Variants in RIMS2 observed in about 807,000 individuals in gnomAD.
The protein encoded by RIMS2 is regulating synaptic membrane exocytosis 2.
Under a neutral mutation model 174.4 loss-of-function variants are expected in RIMS2, and 59 were observed. That is an observed-to-expected ratio of 0.34 (90% CI 0.27 to 0.42). RIMS2 has a LOEUF of 0.42. RIMS2 is among the 10% of genes least tolerant of loss of function. The probability of loss-of-function intolerance (pLI) is 1.00; values close to 1 mark genes in which losing one functional copy is unlikely to be tolerated. For synonymous variants in RIMS2, 606 were observed against 572.5 expected (o/e 1.06, Z -0.84); for missense variants, 1,620 against 1,666.3 (o/e 0.97, Z 0.48).
intron 3 of RIMS2, among the ~76,000 whole-genome samples, chr8:103,777,747 A>C (rs570102252): frequency 9.2e-5 from 14 of 152,120 alleles, no homozygotes; most frequent in African/African-American, 3.4e-4. Flanking sequence ...TATGCATATA[A>C]AAGTATTTTA....
intron 1 of RIMS2, among the ~76,000 whole-genome samples, chr8:103,572,003 C>A (rs1319813231): frequency 6.6e-6 from 1 of 152,188 alleles, no homozygotes; most frequent in East Asian, 1.9e-4. Flanking sequence ...CCGGTGGGTT[C>A]TTGGTCTCTC....
At chr8:104,135,969 C>G (rs1481393003) in intron 19 of RIMS2, among the ~76,000 whole-genome samples, 1 of 152,060 alleles carries the variant, frequency 6.6e-6, no homozygotes, top group Non-Finnish European at 1.5e-5. Context: ...ATGTTATCCC[C>G]GTTTTATACA....
At chr8:103,602,977 T>G (rs912050137) in intron 1 of RIMS2, among the ~76,000 whole-genome samples, 10 of 152,116 alleles carry the variant, frequency 6.6e-5, no homozygotes, top group Non-Finnish European at 1.3e-4. Flanking sequence ...TCTGTTATTT[T>G]TTGACTTTTT....
At chr8:104,204,259 C>T (rs1018966604) in intron 19 of RIMS2, among the ~76,000 whole-genome samples, 6 of 152,154 alleles carry the variant, frequency 3.9e-5, no homozygotes, top group African/African-American at 1.4e-4. Flanking sequence ...GAATTAAGAA[C>T]TTTGTAAGTG....
chr8:104,239,336 C>G (rs777494567), intron 19 of RIMS2, among the ~76,000 whole-genome samples: 1 of 152,122 alleles, frequency 6.6e-6, no homozygotes, highest in African/African-American at 2.4e-5. Context: ...AACGAGGACA[C>G]CTGTGTTCTT....
chr8:103,608,333 G>T (rs1427475406), intron 1 of RIMS2, among the ~76,000 whole-genome samples: 2 of 143,588 alleles, frequency 1.4e-5, no homozygotes, highest in African/African-American at 5.4e-5. Flanking sequence ...CCCACTTGAG[G>T]AGGCAGTCTG....
chr8:103,697,001 TAAAA>T, intron 1 of RIMS2, 81 bp from the exon 4 acceptor site: 1 of 779,352 alleles, frequency 1.3e-6, no homozygotes, highest in South Asian at 1.6e-5. Flanking sequence ...TTTTTGGTTA[TAAAA>T]CTGTGTCTAT....
Position 103,921,646 on chromosome 8 carries a change from T to G in RIMS2, c.2084-26T>G, listed in dbSNP as rs776389770. ...TACTTGTGAAGAGCCATTGTTATTA[T>G]TCGTTATGTGTAATTATCGTTTCAG... On this transcript the variant is annotated intron_variant, in intron 9 of 23. Coordinates refer to ENST00000504942, the Ensembl canonical transcript of RIMS2. The G allele has an allele frequency of 1.0e-5, 9 of 874,614 alleles. No individual in the cohort carries two copies. The African/African-American group carries it at 1.5e-4, about 14-fold the overall frequency. 54.2% of individuals were successfully genotyped at this position (874,614 alleles called of 1,614,324 possible).
At chr8:103,614,353 A>C (rs1207126141) in intron 1 of RIMS2, among the ~76,000 whole-genome samples, 2 of 152,182 alleles carry the variant, frequency 1.3e-5, no homozygotes, top group African/African-American at 2.4e-5. Context: ...CCCAGTCACT[A>C]TGCTCTCCCT....
At chr8:104,145,341 A>G (rs183840286) in intron 19 of RIMS2, among the ~76,000 whole-genome samples, 124 of 152,208 alleles carry the variant, frequency 8.1e-4, no homozygotes, top group African/African-American at 2.9e-3. Flanking sequence ...AATATACTGT[A>G]TTTCCAAACC....
chr8:103,562,818 ATCT>A (rs1353956045), intron 1 of RIMS2, among the ~76,000 whole-genome samples: 4 of 151,972 alleles, frequency 2.6e-5, no homozygotes, highest in African/African-American at 9.7e-5. Context: ...ATTTCCATAC[ATCT>A]TCTGAAATCT....
chr8:103,973,223 A>T (rs2093081707), intron 15 of RIMS2, among the ~76,000 whole-genome samples: 1 of 152,218 alleles, frequency 6.6e-6, no homozygotes, highest in Admixed American at 6.5e-5. Context: ...TCTTCTTTTA[A>T]GTCTCAACTG....
chr8:103,500,675 C>T (rs531447577), upstream of RIMS2: 3 of 492,006 alleles, frequency 6.1e-6, no homozygotes, highest in South Asian at 6.9e-5. Flanking sequence ...AAACATTTCC[C>T]GAAGCGCACT....
intron 6 of RIMS2, 145 bp downstream of exon 9, chr8:103,912,317 A>G (rs949627648): frequency 4.2e-6 from 2 of 473,586 alleles, no homozygotes; most frequent in Non-Finnish European, 7.2e-6. Flanking sequence ...TCATTATCTA[A>G]AACATTTCAT....
intron 2 of RIMS2, among the ~76,000 whole-genome samples, chr8:103,712,246 G>A (rs976531996): frequency 4.0e-5 from 6 of 149,968 alleles, no homozygotes; most frequent in East Asian, 2.0e-4. Context: ...CCCTGGGCTC[G>A]AACAGTCCTC....
intron 1 of RIMS2, among the ~76,000 whole-genome samples, chr8:103,524,686 C>T (rs1309924648): frequency 1.3e-5 from 2 of 152,198 alleles, no homozygotes; most frequent in Non-Finnish European, 2.9e-5. Flanking sequence ...GCCTGCACTT[C>T]TATTGATCCA....
At chr8:103,605,763 G>C (rs10282911) in intron 1 of RIMS2, among the ~76,000 whole-genome samples, 3 of 151,312 alleles carry the variant, frequency 2.0e-5, no homozygotes, top group African/African-American at 7.3e-5. Flanking sequence ...ATCCATTTCT[G>C]CTAGATTTTC....
At chr8:104,149,764 AT>A (rs1404332066) in intron 19 of RIMS2, among the ~76,000 whole-genome samples, 1 of 152,170 alleles carries the variant, frequency 6.6e-6, no homozygotes, top group Non-Finnish European at 1.5e-5. Flanking sequence ...GCACAAAAGA[AT>A]TTAAGGTTAC....
At chr8:103,509,363 C>T (rs1825358700) in intron 1 of RIMS2, among the ~76,000 whole-genome samples, 1 of 152,040 alleles carries the variant, frequency 6.6e-6, no homozygotes, top group African/African-American at 2.4e-5. Context: ...GAATTTCTCA[C>T]CCTCTGGTTT....
Sources: gnomAD v4.1 joint callset for allele counts (sites outside exome capture counted in the v4.1 genomes callset) on GRCh38, gnomAD v4.1.1 for gene constraint, MANE v1.5 for transcripts, NCBI Gene and HGNC (gene_info 2026-07-23, HGNC 2026-07-21) for gene names.